Variants in GRK3 observed in about 807,000 individuals in gnomAD.
GRK3 encodes G protein-coupled receptor kinase 3.
Under a neutral mutation model 95.7 loss-of-function variants are expected in GRK3, and 54 were observed. The ratio of observed to expected loss-of-function variants is 0.56; its 90% CI spans 0.45 to 0.71. The LOEUF is 0.71. Ranked by LOEUF, GRK3 falls within the 30% of genes least tolerant of loss-of-function variation. The pLI is 0.00. For missense variants in GRK3, 649 were observed against 851.2 expected, an observed-to-expected ratio of 0.76 and a Z score of 2.96; for synonymous variants, 281 against 290.8, an observed-to-expected ratio of 0.97 and a Z score of 0.34.
chr22:25,711,321 A>T (rs566020976), intron 17 of GRK3, among the ~76,000 whole-genome samples, 158 bp downstream of exon 17: 3 of 152,340 alleles, frequency 2.0e-5, no homozygotes, highest in African/African-American at 7.2e-5. Flanking sequence ...TTAAGGATCT[A>T]AATTAAAGGC....
chr22:25,613,182 G>C (rs2084511825), intron 2 of GRK3, among the ~76,000 whole-genome samples: 1 of 151,416 alleles, frequency 6.6e-6, no homozygotes, highest in African/African-American at 2.4e-5. Flanking sequence ...AGGTTGTAGA[G>C]AGGGAACTGT....
chr22:25,697,534 T>A (rs548916520), intron 13 of GRK3, among the ~76,000 whole-genome samples: 6 of 151,490 alleles, frequency 4.0e-5, no homozygotes, highest in African/African-American at 1.5e-4. Flanking sequence ...AAGTGGAGAG[T>A]GGTGAAATAG....
In GRK3 at chr22:25,581,303, A is replaced by G. The variant is rs573453302; in HGVS notation, c.113+16150A>G. The G allele has an allele frequency of 2.6e-5, 4 of 152,324 alleles. No individual in the cohort carries two copies. The South Asian group carries it at 8.3e-4, about 32-fold the overall frequency. 9.4% of individuals were successfully genotyped at this position (152,324 alleles called of 1,614,324 possible). ...CAGTAGAGAAGATGGCTAGGTGTGA[A>G]TATCACAACTGTGTCCCTGCAGGGC... On this transcript the variant is annotated intron_variant, in intron 1 of 20. Transcript: ENST00000324198.
At chr22:25,681,460 G>A (rs1365484498) in intron 9 of GRK3, among the ~76,000 whole-genome samples, 1 of 151,962 alleles carries the variant, frequency 6.6e-6, no homozygotes, top group Non-Finnish European at 1.5e-5. Context: ...CCAGGCACGT[G>A]AGGTTGGGGG....
chr22:25,674,204 G>T (rs1339682290), intron 7 of GRK3, among the ~76,000 whole-genome samples: 4 of 152,150 alleles, frequency 2.6e-5, no homozygotes, highest in African/African-American at 9.7e-5. Flanking sequence ...ATCTTCCCTT[G>T]TGCCTCCATT....
chr22:25,685,080 T>C, intron 9 of GRK3, 90 bp from the exon 10 acceptor site: 2 of 836,416 alleles, frequency 2.4e-6, no homozygotes, highest in Non-Finnish European at 4.0e-6. Flanking sequence ...AATAAAGTAA[T>C]TTTAAAAATA....
chr22:25,700,681 A>G (rs1175652240), intron 13 of GRK3, among the ~76,000 whole-genome samples: 1 of 152,072 alleles, frequency 6.6e-6, no homozygotes, highest in Admixed American at 6.5e-5. Context: ...TCTGCCTCAC[A>G]GGTTCACACC....
chr22:25,695,841 T>A (rs916208465), intron 13 of GRK3, among the ~76,000 whole-genome samples: 1 of 149,860 alleles, frequency 6.7e-6, no homozygotes, highest in African/African-American at 2.5e-5. Context: ...GCTAATTTTT[T>A]TTTTTTTTTT....
intron 13 of GRK3, among the ~76,000 whole-genome samples, chr22:25,697,742 G>A (rs1001960547): frequency 1.5e-4 from 23 of 152,240 alleles, no homozygotes; most frequent in African/African-American, 5.5e-4. Context: ...GAGCTACCCA[G>A]TGAAGGAGGG....
intron 20 of GRK3, 24 bp from the exon 21 acceptor site, chr22:25,722,265 G>C: frequency 6.2e-7 from 1 of 1,609,632 alleles, no homozygotes; most frequent in Non-Finnish European, 8.5e-7. Flanking sequence ...CTGTCACAAC[G>C]GCTGCCTTTG....
chr22:25,659,795 T>C (rs1287407160), intron 3 of GRK3, among the ~76,000 whole-genome samples: 3 of 152,190 alleles, frequency 2.0e-5, no homozygotes, highest in Non-Finnish European at 4.4e-5. Flanking sequence ...GTTGTCAAGT[T>C]GGAGCTTAGA....
chr22:25,632,547 C>T (rs757467587), intron 2 of GRK3, among the ~76,000 whole-genome samples: 1 of 152,130 alleles, frequency 6.6e-6, no homozygotes, highest in Non-Finnish European at 1.5e-5. Context: ...TTGAATTTGC[C>T]AGTTTTCACT....
At chr22:25,688,036 G>A (rs149993490) in intron 11 of GRK3, among the ~76,000 whole-genome samples, 5,830 of 152,050 alleles carry the variant, frequency 0.038, 261 homozygotes, top group African/African-American at 0.11. Context: ...GGAGATCAAG[G>A]CCATCCTGGC....
chr22:25,701,216 AGCGGCTGCATCAG>A, intron 13 of GRK3, among the ~76,000 whole-genome samples: 1 of 152,298 alleles, frequency 6.6e-6, no homozygotes, highest in Non-Finnish European at 1.5e-5. Flanking sequence ...TCCTATTTAA[AGCGGCTGCATCAG>A]GGAGCAGCTG....
chr22:25,678,740 C>T, intron 8 of GRK3, 76 bp from the exon 9 acceptor site: 1 of 806,106 alleles, frequency 1.2e-6, no homozygotes, highest in South Asian at 2.3e-5. Context: ...GAAACTTGCC[C>T]CAGAGTGACA....
Position 25,725,760 on chromosome 22 carries a change from C to G in GRK3, c.*3310C>G, listed in dbSNP as rs2085468512. The G allele has an allele frequency of 2.5e-6, 1 of 395,800 alleles. No homozygotes were observed. The highest frequency in any genetic ancestry group is 1.4e-4 in the South Asian group (1 of 7,130). The allele number at this position is 395,800 out of a possible 1,614,324, so 24.5% of individuals were successfully genotyped here. ...AGGAGATTGAGACCATCCTGGTTAG[C>G]AGAGTGAAACCCCGTCTCTACTAAA... On this transcript the variant is annotated 3_prime_UTR_variant, in exon 21 of 21. Transcript: ENST00000324198.
chr22:25,631,810 C>T (rs974699867), intron 2 of GRK3, among the ~76,000 whole-genome samples: 2 of 152,146 alleles, frequency 1.3e-5, no homozygotes, highest in Non-Finnish European at 2.9e-5. Context: ...TCTCCTTTTC[C>T]AGAATGTCTT....
At chr22:25,565,536 C>G (rs995003317) in intron 1 of GRK3, among the ~76,000 whole-genome samples, 2 of 152,028 alleles carry the variant, frequency 1.3e-5, no homozygotes, top group Non-Finnish European at 2.9e-5. Flanking sequence ...CCCGTTGGCT[C>G]CTTGCCTGTC....
chr22:25,625,981 G>A (rs926801016), intron 2 of GRK3, among the ~76,000 whole-genome samples: 1 of 152,136 alleles, frequency 6.6e-6, no homozygotes, highest in South Asian at 2.1e-4. Context: ...CCAGACATCC[G>A]GGGCCACTAC....
Sources: allele counts gnomAD v4.1 joint callset (sites outside exome capture counted in the v4.1 genomes callset), GRCh38; gene constraint gnomAD v4.1.1; transcripts MANE v1.5; gene names NCBI Gene and HGNC (gene_info 2026-07-23, HGNC 2026-07-21).